ZNF799: variants seen among roughly 807,000 people sequenced by gnomAD.
The protein encoded by ZNF799 is zinc finger protein 799, also known as zinc finger protein 14.
A neutral mutation model predicts 41.0 loss-of-function variants in ZNF799; 28 were observed. The ratio of observed to expected loss-of-function variants is 0.68; its 90% CI spans 0.51 to 0.94. The LOEUF (loss-of-function observed/expected upper bound fraction) is 0.94, where lower values mean the gene tolerates loss of function less well. ZNF799 is among the 40% of genes least tolerant of loss of function. ZNF799 has a pLI of 0.00. For synonymous variants in ZNF799, 213 were observed against 252.9 expected, an observed-to-expected ratio of 0.84 and a Z score of 1.50; for missense variants, 716 against 764.3, an observed-to-expected ratio of 0.94 and a Z score of 0.74.
the ZNF799 span, among the ~76,000 whole-genome samples, chr19:12,409,667 A>C: frequency 6.6e-6 from 1 of 152,186 alleles, no homozygotes; most frequent in Non-Finnish European, 1.5e-5. Context: ...CTACCTTAAC[A>C]AATTTAAAAT....
chr19:12,393,611 C>G (rs768580232), intron 1 of ZNF799, 188 bp from the exon 2 acceptor site: 52 of 1,457,824 alleles, frequency 3.6e-5, no homozygotes, highest in Middle Eastern at 2.2e-4. Context: ...TACAGTTAAA[C>G]ATGTTTGGTA....
chr19:12,401,597 AG>A, upstream of ZNF799, among the ~76,000 whole-genome samples: 1 of 102,672 alleles, frequency 9.7e-6, no homozygotes, highest in South Asian at 3.3e-4. Flanking sequence ...AGAGAGAGAG[AG>A]AGGGAGTCTT....
chr19:12,397,397 G>A (rs968047224), intron 1 of ZNF799, among the ~76,000 whole-genome samples: 1 of 149,302 alleles, frequency 6.7e-6, no homozygotes, highest in Admixed American at 6.7e-5. Context: ...TCTAGGAAAC[G>A]TGTAAAAAAA....
intron 1 of ZNF799, chr19:12,400,857 G>T (rs1969970225): frequency 2.5e-6 from 2 of 790,522 alleles, no homozygotes; most frequent in East Asian, 5.6e-5. Flanking sequence ...CGCCGGGGCC[G>T]CAGTCGCCGC....
chr19:12,415,001 T>G, the ZNF799 span, among the ~76,000 whole-genome samples: 1 of 152,214 alleles, frequency 6.6e-6, no homozygotes, highest in Admixed American at 6.5e-5. Context: ...ACATTAGACT[T>G]TGAATCTGAA....
the ZNF799 span, among the ~76,000 whole-genome samples, chr19:12,415,017 G>C: frequency 6.6e-6 from 1 of 152,090 alleles, no homozygotes. Context: ...CTGAAAACAT[G>C]AGTTTTGCCA....
At chr19:12,401,640 C>A (rs1405117859), upstream of ZNF799, among the ~76,000 whole-genome samples, 1 of 127,374 alleles carries the variant, frequency 7.9e-6, no homozygotes, top group Non-Finnish European at 1.5e-5. Context: ...TGCAATGGTG[C>A]GAGGCTCACT....
chr19:12,400,961 T>G (rs1004274320), intron 1 of ZNF799, 107 bp downstream of exon 1: 9 of 1,598,242 alleles, frequency 5.6e-6, no homozygotes, highest in Admixed American at 1.7e-5. Flanking sequence ...CCCGGGTCCG[T>G]AGATCCCGGA....
At chr19:12,406,323 CA>C in the ZNF799 span, among the ~76,000 whole-genome samples, 23,515 of 139,254 alleles carry the variant, frequency 0.17, 2,395 homozygotes, top group Non-Finnish European at 0.25. Context: ...ACTAAAAATA[CA>C]AAAAAAAAAA....
chr19:12,401,874 C>T (rs1444508428), upstream of ZNF799, among the ~76,000 whole-genome samples: 1 of 151,868 alleles, frequency 6.6e-6, no homozygotes, highest in Admixed American at 6.6e-5. Flanking sequence ...GCGCCTGGCT[C>T]CAATTATACT....
chr19:12,392,299 A>G, intron 3 of ZNF799, 93 bp from the exon 4 acceptor site: 2 of 1,504,854 alleles, frequency 1.3e-6, no homozygotes, highest in Non-Finnish European at 1.8e-6. Context: ...TAACACTATC[A>G]TGCAAAGTGC....
At chr19:12,401,583 AGAGAGAGAGAGAGAGAGG>A (rs1969988631), upstream of ZNF799, among the ~76,000 whole-genome samples, 1 of 111,146 alleles carries the variant, frequency 9.0e-6, no homozygotes, top group Non-Finnish European at 1.7e-5. Context: ...AGAGAGAGAG[AGAGAGAGAGAGAGAGAGG>A]GAGTCTTGCT....
At chr19:12,401,028 G>GC (rs1568505326) in intron 1 of ZNF799, 40 bp downstream of exon 1, 2 of 1,613,908 alleles carry the variant, frequency 1.2e-6, no homozygotes, top group East Asian at 2.2e-5. Flanking sequence ...GTTCCACCCA[G>GC]CCCCTCCCCC....
chr19:12,409,241 C>T, the ZNF799 span, among the ~76,000 whole-genome samples: 2 of 152,096 alleles, frequency 1.3e-5, no homozygotes, highest in African/African-American at 2.4e-5. Context: ...CAACAGGGTT[C>T]GCGCTCCTAT....
intron 1 of ZNF799, 87 bp downstream of exon 1, chr19:12,400,981 G>T: frequency 6.2e-7 from 1 of 1,610,700 alleles, no homozygotes; most frequent in Non-Finnish European, 8.5e-7. Flanking sequence ...AGTAGCCCTT[G>T]GGGAGGCCCG....
chr19:12,397,194 C>T (rs1222847523), intron 1 of ZNF799, among the ~76,000 whole-genome samples: 2 of 152,126 alleles, frequency 1.3e-5, no homozygotes, highest in Non-Finnish European at 2.9e-5. Context: ...TACAGTGTTA[C>T]TTAAAACTGA....
chr19:12,400,998 GCCACAGCCGATTA>G, intron 1 of ZNF799, 57 bp downstream of exon 1: 1 of 1,613,312 alleles, frequency 6.2e-7, no homozygotes, highest in South Asian at 1.1e-5. Context: ...CCCGGGTCCA[GCCACAGCCGATTA>G]CTGCAGGTTC....
At chr19:12,414,087 G>A in the ZNF799 span, among the ~76,000 whole-genome samples, 1,699 of 152,242 alleles carry the variant, frequency 0.011, 36 homozygotes, top group African/African-American at 0.039. Flanking sequence ...GGAACCAAGC[G>A]CAAGGAGTGG....
At chr19:12,403,885 A>G (rs560848242), upstream of ZNF799, among the ~76,000 whole-genome samples, 9 of 152,194 alleles carry the variant, frequency 5.9e-5, no homozygotes, top group South Asian at 1.7e-3. Flanking sequence ...GTAGGTGCTT[A>G]TATCTATAAA....
Sources: gnomAD v4.1 joint callset for allele counts (sites outside exome capture counted in the v4.1 genomes callset) on GRCh38, gnomAD v4.1.1 for gene constraint, MANE v1.5 for transcripts, NCBI Gene and HGNC (gene_info 2026-07-23, HGNC 2026-07-21) for gene names.